ZNF227: variants seen among roughly 807,000 people sequenced by gnomAD.
ZNF227 encodes zinc finger protein 227.
Under a neutral mutation model 13.2 loss-of-function variants are expected in ZNF227, and 12 were observed. The ratio of observed to expected loss-of-function variants is 0.91; its 90% CI spans 0.58 to 1.47. The LOEUF (loss-of-function observed/expected upper bound fraction) is 1.47, where lower values mean the gene tolerates loss of function less well. ZNF227 is among the 40% of genes most tolerant of loss of function. ZNF227 has a pLI of 0.00. For synonymous variants in ZNF227, 338 were observed against 326.0 expected (o/e 1.04, Z -0.40); for missense variants, 885 against 967.5 (o/e 0.91, Z 1.13).
intron 5 of ZNF227, among the ~76,000 whole-genome samples, chr19:44,232,299 CAGAG>C (rs2122924234): frequency 1.3e-5 from 2 of 152,366 alleles, no homozygotes; most frequent in African/African-American, 4.8e-5. Context: ...GCCGGACTTT[CAGAG>C]TAAGGGCATA....
At position 44,236,577 on chromosome 19, in the gene ZNF227, A is replaced by G; in HGVS notation, c.2147A>G (p.His716Arg). 6.2e-7 allele frequency: 1 copy of G among 1,614,152 alleles called. No individual in the cohort carries two copies. The highest frequency in any genetic ancestry group is 8.5e-7 in the Non-Finnish European group (1 of 1,180,020). ...AGGGTCCACACGGGAGAGAAACCCC[A>G]TATATGTGAGGAGTGTGGTAAGGCC... ...HQRVHTGEKP[H>R]ICEECGKAFS... Residue 716 changes from histidine (H) to arginine (R), a missense_variant, in exon 6 of 6, where the codon CAT becomes CGT. Transcript: ENST00000313040.
chr19:44,215,226 G>T (rs1016700013), intron 2 of ZNF227, among the ~76,000 whole-genome samples: 2 of 150,698 alleles, frequency 1.3e-5, no homozygotes, highest in African/African-American at 4.9e-5. Flanking sequence ...GAGTGCAGTG[G>T]CGCCATCTCG....
rs756457470 is a variant in ZNF227 at position 44,236,215 on chromosome 19, A to G, written c.1785A>G (p.Gln595=). ...GGAGATCAAATCTTCATGCACATCA[A>G]AGAGTTCACTCAGGAGAAAAACCCT... ...FSWRSNLHAH[Q]RVHSGEKPYK... Residue 595 remains glutamine (Q), a synonymous_variant, in exon 6 of 6, where the codon CAA becomes CAG. Transcript: ENST00000313040. 6.2e-7 allele frequency: 1 copy of G among 1,613,486 alleles called. No homozygotes were observed. The highest frequency in any genetic ancestry group is 8.5e-7 in the Non-Finnish European group (1 of 1,179,832).
chr19:44,221,580 A>G (rs1972520438), intron 3 of ZNF227, among the ~76,000 whole-genome samples: 2 of 152,132 alleles, frequency 1.3e-5, no homozygotes, highest in Admixed American at 1.3e-4. Context: ...GTGTCTGTTC[A>G]TGTCCTTCGC....
rs1352377956 is a variant in ZNF227, at chr19:44,236,566, A to G, written c.2136A>G (p.Gly712=). 2 of 1,613,860 alleles carry G rather than the reference A, an allele frequency of 1.2e-6. No homozygotes were observed. The highest frequency in any genetic ancestry group is 2.2e-5 in the East Asian group (1 of 44,872). ...NLRHHQRVHT[G]EKPHICEECG... is the part of the protein sequence containing the mutation. ...GCCATCATCAGAGGGTCCACACGGGAGAGAAACCCCATATATGTGAGGAGT... is the reference window on the plus strand; with the variant it reads ...GCCATCATCAGAGGGTCCACACGGGGGAGAAACCCCATATATGTGAGGAGT... Residue 712 remains glycine, a synonymous_variant, in exon 6 of 6, where the codon GGA becomes GGG. Transcript: ENST00000313040.
chr19:44,230,926 A>AAAAAAAAAATATATATATAT (rs1555792168), intron 5 of ZNF227, among the ~76,000 whole-genome samples: 11 of 68,104 alleles, frequency 1.6e-4, no homozygotes, highest in African/African-American at 9.8e-4. Flanking sequence ...AAAAAAAAAA[A>AAAAAAAAAATATATATATAT]ATATATATAT....
At chr19:44,226,080 TG>T (rs1241557677) in intron 3 of ZNF227, among the ~76,000 whole-genome samples, 1 of 152,032 alleles carries the variant, frequency 6.6e-6, no homozygotes, top group Non-Finnish European at 1.5e-5. Flanking sequence ...AGAACAGCGG[TG>T]GCTGTAGAAC....
At chr19:44,211,244 A>G (rs1055074716), upstream of ZNF227, among the ~76,000 whole-genome samples, 15 of 152,004 alleles carry the variant, frequency 9.9e-5, no homozygotes, top group Non-Finnish European at 2.2e-4. Flanking sequence ...AGAACAAAAA[A>G]AAAAAGAAAA....
chr19:44,225,605 C>T (rs541832545), intron 3 of ZNF227, among the ~76,000 whole-genome samples: 5 of 152,178 alleles, frequency 3.3e-5, no homozygotes, highest in African/African-American at 7.2e-5. Flanking sequence ...CGAGCCTTGG[C>T]TTTCAGCTCC....
chr19:44,228,711 G>A (rs974631814), intron 4 of ZNF227, 139 bp downstream of exon 4: 3 of 1,127,348 alleles, frequency 2.7e-6, no homozygotes, highest in South Asian at 5.5e-5. Context: ...GGGAAAACAG[G>A]ATAGGTTTTT....
At chr19:44,215,938 A>G (rs2122682948) in intron 2 of ZNF227, among the ~76,000 whole-genome samples, 1 of 138,168 alleles carries the variant, frequency 7.2e-6, no homozygotes, top group Non-Finnish European at 1.5e-5. Context: ...CAGTGAGCTG[A>G]GATTGTGCCA....
chr19:44,215,065 TC>T (rs767507029), intron 2 of ZNF227, among the ~76,000 whole-genome samples: 6 of 150,548 alleles, frequency 4.0e-5, no homozygotes, highest in East Asian at 1.9e-4. Flanking sequence ...CCAAACCATC[TC>T]CCCCGCCCCC....
upstream of ZNF227, among the ~76,000 whole-genome samples, chr19:44,211,808 C>T (rs1461178203): frequency 1.4e-5 from 2 of 138,474 alleles, no homozygotes; most frequent in Non-Finnish European, 3.1e-5. Flanking sequence ...AGGGTTTCCT[C>T]TGCCCTTTTT....
intron 2 of ZNF227, among the ~76,000 whole-genome samples, chr19:44,217,266 G>A (rs193089350): frequency 2.0e-5 from 3 of 152,018 alleles, no homozygotes; most frequent in Non-Finnish European, 4.4e-5. Flanking sequence ...GCCAGGCCTG[G>A]CTAAACAGCA....
chr19:44,214,762 G>A (rs1971680591), intron 2 of ZNF227, among the ~76,000 whole-genome samples: 1 of 151,396 alleles, frequency 6.6e-6, no homozygotes, highest in Admixed American at 6.6e-5. Flanking sequence ...ATTTGCTGCA[G>A]ACCATCTCCT....
At position 44,232,932 on chromosome 19, in the gene ZNF227, A is replaced by G. The variant is rs557540923; in HGVS notation, c.272-1770A>G. Among the ~76,000 whole-genome samples the G allele has an allele frequency of 9.2e-5, 14 of 152,142 alleles. No individual in the cohort carries two copies. The South Asian group carries it at 2.3e-3, about 25-fold the overall frequency. On this transcript the variant is annotated intron_variant, in intron 5 of 5. Transcript: ENST00000313040. ...GTGATCCACCTGCCTCGGCCTCACA[A>G]AGTGCTGGGATTACAGGTGTGAGCC...
chr19:44,216,061 T>G (rs568713258), intron 2 of ZNF227, among the ~76,000 whole-genome samples: 1 of 151,486 alleles, frequency 6.6e-6, no homozygotes, highest in Admixed American at 6.6e-5. Context: ...ATAGGTCTAC[T>G]TTTTATTATA....
At position 44,235,496 on chromosome 19, in the gene ZNF227, G is replaced by A; in HGVS notation, c.1066G>A (p.Glu356Lys). ...HTGEKPYKCE[E>K]CGKCFSQSSN... Reference sequence around the variant, plus strand: ...TGGAGAGAAACCCTATAAATGCGAGGAATGTGGTAAATGCTTTAGTCAAAG... The same window carrying A: ...TGGAGAGAAACCCTATAAATGCGAGAAATGTGGTAAATGCTTTAGTCAAAG... Residue 356 changes from glutamate (E) to lysine (K), a missense_variant, in exon 6 of 6, where the codon GAA becomes AAA. Coordinates refer to ENST00000313040, the MANE Select transcript of ZNF227 (RefSeq NM_182490.3). 6.2e-7 allele frequency: 1 copy of A among 1,614,152 alleles called. No homozygotes were observed. Among genetic ancestry groups the A allele is most frequent in the Admixed American group, 1.7e-5 (1 of 60,016 alleles).
At chr19:44,232,904 C>G (rs1041936097) in intron 5 of ZNF227, among the ~76,000 whole-genome samples, 1 of 152,088 alleles carries the variant, frequency 6.6e-6, no homozygotes, top group Non-Finnish European at 1.5e-5. Context: ...CTCCTGACCT[C>G]AAGTGATCCA....
Sources: allele counts gnomAD v4.1 joint callset (sites outside exome capture counted in the v4.1 genomes callset), GRCh38; gene constraint gnomAD v4.1.1; transcripts MANE v1.5; gene names NCBI Gene and HGNC (gene_info 2026-07-23, HGNC 2026-07-21).